The following IL1RAPL1 variants were observed in gnomAD, a reference collection of about 807,000 sequenced individuals.
IL1RAPL1 encodes the protein interleukin 1 receptor accessory protein like 1.
IL1RAPL1 carries 3 observed loss-of-function variants against 48.4 expected under a neutral mutation model. The observed-to-expected ratio is 0.06, with a 90% CI of 0.03 to 0.16. The LOEUF is 0.16. Ranked by LOEUF, IL1RAPL1 falls within the 10% of genes least tolerant of loss-of-function variation. IL1RAPL1 has a pLI of 1.00. For missense variants in IL1RAPL1, 349 were observed against 530.6 expected (o/e 0.66, Z 3.36); for synonymous variants, 185 against 187.7 (o/e 0.99, Z 0.12).
intron 5 of IL1RAPL1, among the ~76,000 whole-genome samples, chrX:29,487,196 A>G (rs1275619392): frequency 8.9e-6 from 1 of 112,116 alleles, no homozygotes; most frequent in Non-Finnish European, 1.9e-5. Context: ...TGTAGCTCAC[A>G]TATGATCTGT....
chrX:29,520,602 C>T (rs948207921), intron 5 of IL1RAPL1, among the ~76,000 whole-genome samples: 2 of 111,349 alleles, frequency 1.8e-5, no homozygotes, highest in African/African-American at 6.5e-5. Flanking sequence ...CCTTTCTGTT[C>T]TTAATGGCCA....
At chrX:29,952,102 G>C (rs1315837236) in intron 9 of IL1RAPL1, among the ~76,000 whole-genome samples, 6 of 112,011 alleles carry the variant, frequency 5.4e-5, no homozygotes, top group African/African-American at 1.9e-4. Flanking sequence ...AAATTTACCA[G>C]TATGGGTGGA....
intron 9 of IL1RAPL1, among the ~76,000 whole-genome samples, chrX:29,943,231 C>G (rs1461428076): frequency 9.0e-6 from 1 of 111,621 alleles, no homozygotes; most frequent in Non-Finnish European, 1.9e-5. Flanking sequence ...CCTATTGATG[C>G]AAATTATTAT....
intron 1 of IL1RAPL1, among the ~76,000 whole-genome samples, chrX:28,650,696 A>T (rs1247471394): frequency 9.0e-6 from 1 of 111,704 alleles, no homozygotes; most frequent in East Asian, 2.8e-4. Context: ...TGCTCTATGC[A>T]ACTTTATTAG....
At chrX:29,193,434 C>T (rs1930387984) in intron 2 of IL1RAPL1, among the ~76,000 whole-genome samples, 1 of 110,619 alleles carries the variant, frequency 9.0e-6, no homozygotes, top group East Asian at 2.8e-4. Context: ...GAAAATAGCC[C>T]ATATATTAAC....
chrX:29,085,095 T>TCCAA (rs1367186489), intron 2 of IL1RAPL1, among the ~76,000 whole-genome samples: 1 of 112,133 alleles, frequency 8.9e-6, no homozygotes, highest in African/African-American at 3.2e-5. Flanking sequence ...TTAGTGGTGA[T>TCCAA]CCAATAGAAT....
rs764392813 is a variant in IL1RAPL1, at chrX:29,953,868, C to T, written c.1202-654C>T. On this transcript the variant is annotated intron_variant, in intron 9 of 10. Transcript: ENST00000378993. ...ATGGCCAAGGGTAGAATCAGTTGAA[C>T]GTAAGAGCATACTGATATCCAAACA... Among the ~76,000 whole-genome samples the T allele has an allele frequency of 3.9e-4, 38 of 97,385 alleles. 1 individual carries two copies. The East Asian group carries it at 8.0e-3, about 20-fold the overall frequency. The allele number at this position is 97,385 out of a possible 115,157, so 84.6% of individuals were successfully genotyped here. A position where few individuals can be genotyped will look rare whatever the true frequency, so the allele number is the denominator to read the frequency against.
chrX:29,388,797 T>C (rs1300269089), intron 3 of IL1RAPL1, among the ~76,000 whole-genome samples: 2 of 112,080 alleles, frequency 1.8e-5, no homozygotes, highest in African/African-American at 6.5e-5. Context: ...AGAAGAATAA[T>C]TGCTAATGGG....
chrX:28,684,274 CTT>C (rs1043197431), intron 1 of IL1RAPL1, among the ~76,000 whole-genome samples: 1 of 112,054 alleles, frequency 8.9e-6, no homozygotes, highest in Non-Finnish European at 1.9e-5. Context: ...GACTCAAAAA[CTT>C]AAGTGAATTT....
intron 2 of IL1RAPL1, among the ~76,000 whole-genome samples, chrX:29,136,646 C>T (rs765662321): frequency 9.0e-5 from 10 of 111,313 alleles, no homozygotes; most frequent in Middle Eastern, 4.6e-3. Flanking sequence ...ACAGGTGTGA[C>T]GCACTGCACC....
rs188074589 is a variant in IL1RAPL1 at position 29,646,995 on chromosome X, G to A, written c.704-21435G>A. On this transcript the variant is annotated intron_variant, in intron 5 of 10. Transcript: ENST00000378993. ...AGCTGAAAGAAAAGAATGCTAGTGA[G>A]TAACACAAAAACATTTGAAGGTATA... Among the ~76,000 whole-genome samples, 299 of 112,202 alleles carry A rather than the reference G, an allele frequency of 2.7e-3. 2 individuals carry two copies. The highest frequency in any genetic ancestry group is 4.7e-3 in the Non-Finnish European group (248 of 53,251).
intron 1 of IL1RAPL1, among the ~76,000 whole-genome samples, chrX:28,671,380 A>C (rs1934945801): frequency 8.9e-6 from 1 of 112,015 alleles, no homozygotes; most frequent in Non-Finnish European, 1.9e-5. Flanking sequence ...CTGAGTTAGT[A>C]GTCCAATGCT....
At chrX:29,766,430 AATAT>A (rs905229631) in intron 6 of IL1RAPL1, among the ~76,000 whole-genome samples, 2 of 93,476 alleles carry the variant, frequency 2.1e-5, no homozygotes, top group African/African-American at 7.9e-5. Context: ...TATATATCCA[AATAT>A]ATATATATTT....
chrX:29,532,723 T>C (rs1033901725), intron 5 of IL1RAPL1, among the ~76,000 whole-genome samples: 1 of 112,189 alleles, frequency 8.9e-6, no homozygotes, highest in Non-Finnish European at 1.9e-5. Flanking sequence ...CTTAAACAGT[T>C]GTTTCTTGAA....
chrX:28,953,110 T>C (rs1384042038), intron 2 of IL1RAPL1, among the ~76,000 whole-genome samples: 2 of 111,525 alleles, frequency 1.8e-5, no homozygotes, highest in East Asian at 2.8e-4. Flanking sequence ...TTTGTATTCA[T>C]TGTGGACTCT....
intron 6 of IL1RAPL1, among the ~76,000 whole-genome samples, chrX:29,809,216 C>T (rs62586520): frequency 1.3e-3 from 138 of 107,995 alleles, no homozygotes; most frequent in Admixed American, 2.4e-3. Flanking sequence ...TCCAGCCTTG[C>T]CTCCTGAGTA....
At chrX:29,075,153 A>G (rs1927642858) in intron 2 of IL1RAPL1, among the ~76,000 whole-genome samples, 1 of 111,839 alleles carries the variant, frequency 8.9e-6, no homozygotes, top group Admixed American at 9.6e-5. Flanking sequence ...TAGCTGTTAC[A>G]TTACATTCTG....
chrX:28,645,679 A>G (rs1305434906), intron 1 of IL1RAPL1, among the ~76,000 whole-genome samples: 1 of 111,920 alleles, frequency 8.9e-6, no homozygotes, highest in Non-Finnish European at 1.9e-5. Context: ...GTAACAGGAA[A>G]ATTTCAGAAA....
rs150287539 is a variant in IL1RAPL1 at position 29,295,297 on chromosome X, G to A, written c.362+12080G>A. On this transcript the variant is annotated intron_variant, in intron 3 of 10. Coordinates refer to ENST00000378993, the MANE Select transcript of IL1RAPL1 (RefSeq NM_014271.4). ...AACTCAAGCTCTGAGAAATAAAATC[G>A]CCTACACTTTAAGCTATTAGACAGG... 9.1e-4 allele frequency among the ~76,000 whole-genome samples: 102 copies of A among 111,690 alleles called. 1 individual carries two copies. The highest frequency in any genetic ancestry group is 1.5e-3 in the South Asian group (4 of 2,683).
Sources: allele counts gnomAD v4.1 joint callset (sites outside exome capture counted in the v4.1 genomes callset), GRCh38; gene constraint gnomAD v4.1.1; transcripts MANE v1.5; gene names NCBI Gene and HGNC (gene_info 2026-07-23, HGNC 2026-07-21).